The following OR4D1 variants were observed in gnomAD, a reference collection of about 807,000 sequenced individuals.
The protein encoded by OR4D1 is olfactory receptor 4D1.
OR4D1 carries 10 observed loss-of-function variants against 14.2 expected under a neutral mutation model. The ratio of observed to expected loss-of-function variants is 0.71; its 90% CI spans 0.44 to 1.20. OR4D1 has a LOEUF of 1.20. OR4D1 is among the 50% of genes most tolerant of loss of function. The probability of loss-of-function intolerance (pLI) is 0.00; values close to 1 mark genes in which losing one functional copy is unlikely to be tolerated. For synonymous variants in OR4D1, 141 were observed against 147.4 expected (o/e 0.96, Z 0.32); for missense variants, 345 against 376.6 (o/e 0.92, Z 0.70).
Position 58,157,661 on chromosome 17 carries a change from A to G in OR4D1, c.*1575A>G. 6.2e-7 allele frequency: 1 copy of G among 1,613,924 alleles called. No homozygotes were observed. The highest frequency in any genetic ancestry group is 8.5e-7 in the Non-Finnish European group (1 of 1,179,850). On this transcript the variant is annotated 3_prime_UTR_variant, in exon 4 of 4. Transcript: ENST00000268912. ...AAAACCTATGCTACCCTCCAGCTTC[A>G]GTCTCCCTTTCCCCATCAGCTCGCC...
Position 58,155,529 on chromosome 17 carries a change from A to C in OR4D1, c.376A>C (p.Ile126Leu). The C allele has an allele frequency of 1.2e-6, 2 of 1,614,074 alleles. No individual in the cohort carries two copies. The highest frequency in any genetic ancestry group is 4.5e-5 in the East Asian group (2 of 44,876). ...SVMAYDRYIA[I>L]SQPLRYVTIM... is the part of the protein sequence containing the mutation. ...CATGGCCTATGACCGCTACATAGCC[A>C]TCTCCCAGCCCCTCCGGTATGTCAC... Residue 126 changes from isoleucine to leucine, a missense_variant, in exon 4 of 4, where the codon ATC becomes CTC. Physicochemically the swap from Ile to Leu is conservative, Grantham distance 5 (BLOSUM62 2). Transcript: ENST00000268912.
chr17:58,150,861 AC>A (rs1448406709), intron 2 of OR4D1, among the ~76,000 whole-genome samples: 5 of 151,762 alleles, frequency 3.3e-5, no homozygotes, highest in African/African-American at 1.2e-4. Context: ...CCCCTTGCAC[AC>A]CTGCGGTTGT....
At chr17:58,151,032 T>C (rs2143656370) in intron 2 of OR4D1, among the ~76,000 whole-genome samples, 2 of 152,340 alleles carry the variant, frequency 1.3e-5, no homozygotes, top group East Asian at 3.9e-4. Flanking sequence ...AGAGAAAATA[T>C]ATGTTCCATC....
chr17:58,152,551 A>G (rs1303615540), intron 2 of OR4D1, among the ~76,000 whole-genome samples: 5 of 152,238 alleles, frequency 3.3e-5, no homozygotes, highest in Admixed American at 2.0e-4. Flanking sequence ...CCTTTAATAA[A>G]GTATTTTAAG....
chr17:58,156,235 G>C lies in OR4D1; in HGVS notation c.*149G>C. The C allele has an allele frequency of 1.6e-6, 1 of 612,704 alleles. No individual in the cohort carries two copies. The highest frequency in any genetic ancestry group is 2.2e-5 in the South Asian group (1 of 45,108). 38.0% of individuals were successfully genotyped at this position (612,704 alleles called of 1,614,324 possible). Reference sequence around the variant, plus strand: ...AGTGCTGTGTCAAGTACTGTGTTAAGCACTTCCACGCTTTTTTTCTTTTTT... The same window carrying C: ...AGTGCTGTGTCAAGTACTGTGTTAACCACTTCCACGCTTTTTTTCTTTTTT... On this transcript the variant is annotated 3_prime_UTR_variant, in exon 4 of 4. Coordinates refer to ENST00000268912, the MANE Select transcript of OR4D1 (RefSeq NM_001386095.1).
In OR4D1 at chr17:58,157,114, G is replaced by A. The variant is rs1967786643; in HGVS notation, c.*1028G>A. ...GCCGAGGCGGCCGCGGAGGAGCGCCGCGTCAAGGTCTCCAGCCTGCCCTAC... is the reference window on the plus strand; with the variant it reads ...GCCGAGGCGGCCGCGGAGGAGCGCCACGTCAAGGTCTCCAGCCTGCCCTAC... On this transcript the variant is annotated 3_prime_UTR_variant, in exon 4 of 4. Coordinates refer to ENST00000268912, the MANE Select transcript of OR4D1 (RefSeq NM_001386095.1). 2 of 1,471,660 alleles carry A rather than the reference G, an allele frequency of 1.4e-6. No individual in the cohort carries two copies. Among genetic ancestry groups the A allele is most frequent in the African/African-American group, 2.8e-5 (2 of 71,126 alleles). The allele number at this position is 1,471,660 out of a possible 1,614,324, so 91.2% of individuals were successfully genotyped here.
intron 2 of OR4D1, among the ~76,000 whole-genome samples, chr17:58,151,654 T>G (rs1278327742): frequency 6.6e-6 from 1 of 152,224 alleles, no homozygotes; most frequent in Non-Finnish European, 1.5e-5. Context: ...ATCAGTGCAA[T>G]CACTGCTGCC....
chr17:58,148,618 G>C (rs866016352), intron 1 of OR4D1, 34 bp downstream of exon 1: 1 of 152,306 alleles, frequency 6.6e-6, no homozygotes, highest in Non-Finnish European at 1.5e-5. Context: ...GAAGGCATGG[G>C]GGAAGTCATC....
At position 58,158,767 on chromosome 17, in the gene OR4D1, A is replaced by T. The variant is rs891244648; in HGVS notation, c.*2681A>T. 6.6e-6 allele frequency: 1 copy of T among 152,302 alleles called. No homozygotes were observed. The highest frequency in any genetic ancestry group is 1.5e-5 in the Non-Finnish European group (1 of 68,032). The allele number at this position is 152,302 out of a possible 1,614,324, so 9.4% of individuals were successfully genotyped here. A position where few individuals can be genotyped will look rare whatever the true frequency, so the allele number is the denominator to read the frequency against. On this transcript the variant is annotated 3_prime_UTR_variant, in exon 4 of 4. Transcript: ENST00000268912. ...AAAAAATGAGTACCTTGTAACCATT[A>T]CCTGTATGCTAAATATTCTTGAACA... is the stretch of plus-strand genomic sequence containing the variant.
At position 58,152,711 on chromosome 17, in the gene OR4D1, G is replaced by T. The variant is rs1373301859; in HGVS notation, c.-126-1146G>T. Among the ~76,000 whole-genome samples the T allele has an allele frequency of 2.0e-5, 3 of 152,194 alleles. No individual in the cohort carries two copies. In the East Asian group the frequency reaches 5.8e-4, roughly 29 times the overall value. ...GCACTTTGGGAGGCAGAAGCAGGTG[G>T]ATTGCTTGAGCTCAGGAGTTTGAAA... is the stretch of plus-strand genomic sequence containing the variant. On this transcript the variant is annotated intron_variant, in intron 2 of 3. Coordinates refer to ENST00000268912, the MANE Select transcript of OR4D1 (RefSeq NM_001386095.1).
Position 58,157,753 on chromosome 17 carries a change from C to T in OR4D1, c.*1667C>T, listed in dbSNP as rs1275517728. 16 of 1,612,692 alleles carry T rather than the reference C, an allele frequency of 9.9e-6. No individual in the cohort carries two copies. The Admixed American group carries it at 1.8e-4, about 18-fold the overall frequency. ...ATAGACCTGTGCTTCCCATCCCGCC[C>T]GTGGGACTCTATGCCACGCCAGTGG... On this transcript the variant is annotated 3_prime_UTR_variant, in exon 4 of 4. Transcript: ENST00000268912.
rs890239807 is a variant in OR4D1, at chr17:58,157,425, A to G, written c.*1339A>G. 29 of 1,136,026 alleles carry G rather than the reference A, an allele frequency of 2.6e-5. No homozygotes were observed. In the African/African-American group the frequency reaches 4.3e-4, roughly 17 times the overall value. 70.4% of individuals were successfully genotyped at this position (1,136,026 alleles called of 1,614,324 possible). A position where few individuals can be genotyped will look rare whatever the true frequency, so the allele number is the denominator to read the frequency against. On this transcript the variant is annotated 3_prime_UTR_variant, in exon 4 of 4. Transcript: ENST00000268912. ...TGCACCCTGAGAAAACACAAGACCA[A>G]TCCGAAGCCGCGCACAGCCTTTACC...
chr17:58,157,956 C>T lies in OR4D1; in HGVS notation c.*1870C>T. On this transcript the variant is annotated 3_prime_UTR_variant, in exon 4 of 4. Transcript: ENST00000268912. ...AGGCCGGCAGGGCCACACGACACAGCTGAAGTTTGTTCTTTAGGCGGAGGC... is the reference window on the plus strand; with the variant it reads ...AGGCCGGCAGGGCCACACGACACAGTTGAAGTTTGTTCTTTAGGCGGAGGC... 1 of 671,518 alleles carries T rather than the reference C, an allele frequency of 1.5e-6. No individual in the cohort carries two copies. The highest frequency in any genetic ancestry group is 2.6e-6 in the Non-Finnish European group (1 of 391,112). 41.6% of individuals were successfully genotyped at this position (671,518 alleles called of 1,614,324 possible).
chr17:58,157,862 C>G lies in OR4D1; in HGVS notation c.*1776C>G, dbSNP rs1014160232. The G allele has an allele frequency of 2.5e-5, 38 of 1,517,160 alleles. No homozygotes were observed. The highest frequency in any genetic ancestry group is 3.3e-5 in the Non-Finnish European group (36 of 1,105,590). 94.0% of individuals were successfully genotyped at this position (1,517,160 alleles called of 1,614,324 possible). A position where few individuals can be genotyped will look rare whatever the true frequency, so the allele number is the denominator to read the frequency against. On this transcript the variant is annotated 3_prime_UTR_variant, in exon 4 of 4. Coordinates refer to ENST00000268912, the MANE Select transcript of OR4D1 (RefSeq NM_001386095.1). ...GTTTGTTTCAAAGGGTTTCCTCTCC[C>G]TCTCCAAGAAGGCAGGACCAGCCAA...
rs1567780255 is a variant in OR4D1 at position 58,157,992 on chromosome 17, G to A, written c.*1906G>A. ...TCTTTAGGCGGAGGCACCAAGCCTT[G>A]TTTTCTTGGTGTAATCTTCCAGGTG... On this transcript the variant is annotated 3_prime_UTR_variant, in exon 4 of 4. Transcript: ENST00000268912. 1 of 483,852 alleles carries A rather than the reference G, an allele frequency of 2.1e-6. No individual in the cohort carries two copies. Among genetic ancestry groups the A allele is most frequent in the East Asian group, 3.3e-5 (1 of 30,154 alleles). The allele number at this position is 483,852 out of a possible 1,614,324, so 30.0% of individuals were successfully genotyped here.
intron 2 of OR4D1, among the ~76,000 whole-genome samples, chr17:58,153,526 C>T (rs1180580274): frequency 6.6e-6 from 1 of 152,170 alleles, no homozygotes; most frequent in African/African-American, 2.4e-5. Context: ...AATCCTGTTA[C>T]ATTTGTCCAT....
chr17:58,154,637 C>T (rs1380064426), intron 3 of OR4D1, among the ~76,000 whole-genome samples: 1 of 152,230 alleles, frequency 6.6e-6, no homozygotes, highest in Admixed American at 6.5e-5. Flanking sequence ...CTTTCTCCAG[C>T]AATAAACATC....
At chr17:58,154,167 C>A (rs1217192668) in intron 3 of OR4D1, among the ~76,000 whole-genome samples, 1 of 151,856 alleles carries the variant, frequency 6.6e-6, no homozygotes, top group Non-Finnish European at 1.5e-5. Flanking sequence ...GCTATGTTGC[C>A]CAGGCTGGTC....
At position 58,157,525 on chromosome 17, in the gene OR4D1, C is replaced by T. The variant is rs894353429; in HGVS notation, c.*1439C>T. 1 of 1,371,708 alleles carries T rather than the reference C, an allele frequency of 7.3e-7. No individual in the cohort carries two copies. The highest frequency in any genetic ancestry group is 1.0e-6 in the Non-Finnish European group (1 of 960,570). 85.0% of individuals were successfully genotyped at this position (1,371,708 alleles called of 1,614,324 possible). On this transcript the variant is annotated 3_prime_UTR_variant, in exon 4 of 4. Transcript: ENST00000268912. ...TCTCCATTGCAGAGGGTGCGGACTT[C>T]TCCAGCTCTCCGAACCTCACGGAGA... is the stretch of plus-strand genomic sequence containing the variant.
Sources: gnomAD v4.1 joint callset for allele counts (sites outside exome capture counted in the v4.1 genomes callset) on GRCh38, gnomAD v4.1.1 for gene constraint, MANE v1.5 for transcripts, NCBI Gene and HGNC (gene_info 2026-07-23, HGNC 2026-07-21) for gene names.